GREB1L: variants seen among roughly 807,000 people sequenced by gnomAD.
The protein encoded by GREB1L is GREB1 like retinoic acid receptor coactivator.
Under a neutral mutation model 200.8 loss-of-function variants are expected in GREB1L, and 17 were observed. The observed-to-expected ratio is 0.08, with a 90% CI of 0.06 to 0.13. The LOEUF (loss-of-function observed/expected upper bound fraction) is 0.13. Among genes scored for constraint, GREB1L ranks in the 10% least tolerant of loss-of-function variants. The pLI, the probability that GREB1L is intolerant of heterozygous loss-of-function variation, is 1.00. For missense variants in GREB1L, 1,657 were observed against 2,367.7 expected (o/e 0.70, Z 6.23); for synonymous variants, 789 against 893.0 (o/e 0.88, Z 2.08).
At chr18:21,289,835 A>G (rs1388631349) in intron 1 of GREB1L, among the ~76,000 whole-genome samples, 3 of 152,122 alleles carry the variant, frequency 2.0e-5, no homozygotes, top group African/African-American at 7.2e-5. Context: ...TACTGTAACA[A>G]CAGGCTACAT....
intron 1 of GREB1L, among the ~76,000 whole-genome samples, chr18:21,346,055 T>G (rs535980114): frequency 6.6e-6 from 1 of 152,194 alleles, no homozygotes; most frequent in African/African-American, 2.4e-5. Context: ...AAATACTCGT[T>G]GAATGAGAAA....
chr18:21,426,973 C>CAAAAAAAAAAAAAAAAAAAAAAAA (rs56776768), intron 7 of GREB1L, among the ~76,000 whole-genome samples: 2 of 83,786 alleles, frequency 2.4e-5, no homozygotes, highest in African/African-American at 6.4e-5. Flanking sequence ...AAAAAAAAAA[C>CAAAAAAAAAAAAAAAAAAAAAAAA]AAAAAAAAAA....
intron 1 of GREB1L, among the ~76,000 whole-genome samples, chr18:21,325,541 G>A (rs1343416319): frequency 6.6e-6 from 1 of 151,948 alleles, no homozygotes; most frequent in Non-Finnish European, 1.5e-5. Context: ...AGGGCCTGTT[G>A]CGGTAGCTCA....
intron 2 of GREB1L, among the ~76,000 whole-genome samples, chr18:21,381,319 A>C (rs910356823): frequency 6.6e-6 from 1 of 151,990 alleles, no homozygotes; most frequent in Non-Finnish European, 1.5e-5. Context: ...GAGGCAGGAG[A>C]ATTGCTTGAA....
At chr18:21,338,017 C>T (rs969193676) in intron 1 of GREB1L, among the ~76,000 whole-genome samples, 16 of 151,970 alleles carry the variant, frequency 1.1e-4, no homozygotes, top group Non-Finnish European at 2.1e-4. Context: ...CTTTTTTTCT[C>T]CTTTCTTTTT....
intron 1 of GREB1L, among the ~76,000 whole-genome samples, chr18:21,290,789 C>T (rs1341058626): frequency 1.4e-5 from 2 of 147,332 alleles, no homozygotes; most frequent in Non-Finnish European, 3.0e-5. Flanking sequence ...GGAGCCACTG[C>T]ACTCCAGCCT....
At chr18:21,277,738 C>G (rs1464460208) in intron 1 of GREB1L, among the ~76,000 whole-genome samples, 1 of 152,170 alleles carries the variant, frequency 6.6e-6, no homozygotes. Context: ...GCCATCCACA[C>G]CATGCCGTGC....
intron 25 of GREB1L, 64 bp from the exon 26 acceptor site, chr18:21,508,048 AGGAGTG>A (rs957823440): frequency 1.4e-6 from 2 of 1,414,312 alleles, no homozygotes; most frequent in Middle Eastern, 1.7e-4. Context: ...AACAACCTGA[AGGAGTG>A]GCCTGGAAGT....
chr18:21,475,952 CAG>C (rs367598764), intron 16 of GREB1L, among the ~76,000 whole-genome samples: 1,947 of 109,218 alleles, frequency 0.018, 51 homozygotes, highest in African/African-American at 0.062. Flanking sequence ...CTGGGTGACA[CAG>C]AGAGAGACTC....
chr18:21,470,379 T>G (rs1410169236), intron 15 of GREB1L, among the ~76,000 whole-genome samples: 1 of 152,216 alleles, frequency 6.6e-6, no homozygotes, highest in Non-Finnish European at 1.5e-5. Flanking sequence ...TTTTATGATA[T>G]AGCTCTATTT....
intron 29 of GREB1L, among the ~76,000 whole-genome samples, chr18:21,515,990 C>A (rs1469930353): frequency 6.6e-6 from 1 of 151,940 alleles, no homozygotes; most frequent in Non-Finnish European, 1.5e-5. Flanking sequence ...AAGGAAATCA[C>A]TTTTCCTGAA....
At chr18:21,308,871 G>A (rs2144772725) in intron 1 of GREB1L, among the ~76,000 whole-genome samples, 1 of 152,284 alleles carries the variant, frequency 6.6e-6, no homozygotes, top group East Asian at 1.9e-4. Context: ...AGTTGTGCCT[G>A]ATGCCTGGGC....
intron 30 of GREB1L, among the ~76,000 whole-genome samples, chr18:21,517,773 G>A (rs773619954): frequency 1.3e-5 from 2 of 152,136 alleles, no homozygotes; most frequent in African/African-American, 2.4e-5. Context: ...GGATCTCACA[G>A]TGTACCTGTT....
At chr18:21,361,346 G>A (rs1396357912) in intron 1 of GREB1L, among the ~76,000 whole-genome samples, 1 of 152,130 alleles carries the variant, frequency 6.6e-6, no homozygotes, top group Non-Finnish European at 1.5e-5. Flanking sequence ...TGAAATTATT[G>A]CTGAGAAAAT....
At chr18:21,471,299 G>A (rs2035472193) in intron 15 of GREB1L, among the ~76,000 whole-genome samples, 1 of 152,144 alleles carries the variant, frequency 6.6e-6, no homozygotes, top group Non-Finnish European at 1.5e-5. Flanking sequence ...TATTTCCTAA[G>A]GATAGACAGG....
chr18:21,285,421 A>G (rs903840632), intron 1 of GREB1L, among the ~76,000 whole-genome samples: 11 of 152,190 alleles, frequency 7.2e-5, no homozygotes, highest in Non-Finnish European at 1.3e-4. Flanking sequence ...TTATGGTACA[A>G]ACATCTGTCA....
chr18:21,243,462 T>C (rs1455897411), intron 1 of GREB1L, among the ~76,000 whole-genome samples: 3 of 152,252 alleles, frequency 2.0e-5, no homozygotes, highest in Non-Finnish European at 2.9e-5. Flanking sequence ...TTTTAATTTC[T>C]GCTTTTCACA....
intron 1 of GREB1L, among the ~76,000 whole-genome samples, chr18:21,359,278 C>T (rs8093504): frequency 0.067 from 10,146 of 152,160 alleles, 521 homozygotes; most frequent in Admixed American, 0.14. Context: ...GGTGAAATCC[C>T]GTTTCTACTA....
chr18:21,255,730 T>C (rs1459413764), intron 1 of GREB1L, among the ~76,000 whole-genome samples: 1 of 152,232 alleles, frequency 6.6e-6, no homozygotes, highest in East Asian at 1.9e-4. Context: ...AGTTTTAGAA[T>C]TTCTTTACAA....
Sources: allele counts gnomAD v4.1 joint callset (sites outside exome capture counted in the v4.1 genomes callset), GRCh38; gene constraint gnomAD v4.1.1; transcripts MANE v1.5; gene names NCBI Gene and HGNC (gene_info 2026-07-23, HGNC 2026-07-21).